RERG: variants seen among roughly 807,000 people sequenced by gnomAD.
The protein encoded by RERG is RAS like estrogen regulated growth inhibitor.
A neutral mutation model predicts 23.2 loss-of-function variants in RERG; 25 were observed. The observed-to-expected ratio is 1.08, with a 90% confidence interval of 0.79 to 1.50. RERG has a LOEUF of 1.50. Ranked by LOEUF, RERG falls within the 40% of genes most tolerant of loss-of-function variation. The probability of loss-of-function intolerance (pLI) is 0.00; values close to 1 mark genes in which losing one functional copy is unlikely to be tolerated. For missense variants in RERG, 253 were observed against 250.1 expected (o/e 1.01, Z -0.08); for synonymous variants, 81 against 89.1 (o/e 0.91, Z 0.51).
intron 2 of RERG, among the ~76,000 whole-genome samples, chr12:15,191,823 C>T (rs966300102): frequency 6.6e-6 from 1 of 152,144 alleles, no homozygotes; most frequent in Non-Finnish European, 1.5e-5. Context: ...TGCTTCTATA[C>T]GTTCTCATAG....
Position 15,160,854 on chromosome 12 carries a change from C to T in RERG, c.62-39735G>A, listed in dbSNP as rs1459691548. Among the ~76,000 whole-genome samples, 8 of 152,018 alleles carry T rather than the reference C, an allele frequency of 5.3e-5. No homozygotes were observed. The South Asian group carries it at 8.3e-4, about 16-fold the overall frequency. ...TAATACTCCTTAGAAACAGGGGCATCGTCTGGGCGCAATGGCTCCCACCTG... is the reference window on the plus strand; with the variant it reads ...TAATACTCCTTAGAAACAGGGGCATTGTCTGGGCGCAATGGCTCCCACCTG... On this transcript the variant is annotated intron_variant, in intron 2 of 4. Transcript: ENST00000256953.
intron 2 of RERG, among the ~76,000 whole-genome samples, chr12:15,205,201 C>T (rs1299650068): frequency 6.6e-6 from 1 of 151,880 alleles, no homozygotes; most frequent in African/African-American, 2.4e-5. Context: ...ACACTATGGT[C>T]CCTGAGGACA....
At chr12:15,129,002 G>A (rs972157333) in intron 2 of RERG, among the ~76,000 whole-genome samples, 1 of 152,034 alleles carries the variant, frequency 6.6e-6, no homozygotes, top group Non-Finnish European at 1.5e-5. Flanking sequence ...TTCTGTGACC[G>A]TTCTGGTCTC....
At chr12:15,129,313 T>C (rs73304788) in intron 2 of RERG, among the ~76,000 whole-genome samples, 4,273 of 151,688 alleles carry the variant, frequency 0.028, 209 homozygotes, top group African/African-American at 0.098. Context: ...TTATGTGATT[T>C]GAAATGTCAG....
intron 2 of RERG, among the ~76,000 whole-genome samples, chr12:15,181,642 G>C (rs1358309449): frequency 1.3e-5 from 2 of 152,202 alleles, no homozygotes; most frequent in East Asian, 3.9e-4. Flanking sequence ...TATGTAAATT[G>C]TTTAGAATAA....
At chr12:15,118,578 A>G (rs1034443258) in intron 3 of RERG, among the ~76,000 whole-genome samples, 1 of 152,166 alleles carries the variant, frequency 6.6e-6, no homozygotes, top group Non-Finnish European at 1.5e-5. Flanking sequence ...CCCAAATGTT[A>G]GAGGTGAGGC....
At chr12:15,170,540 G>T (rs1864763521) in intron 2 of RERG, among the ~76,000 whole-genome samples, 1 of 152,130 alleles carries the variant, frequency 6.6e-6, no homozygotes, top group Non-Finnish European at 1.5e-5. Flanking sequence ...ACATGCAGAG[G>T]CCAGTGGCTT....
At chr12:15,204,271 T>A (rs1234776561) in intron 2 of RERG, among the ~76,000 whole-genome samples, 1 of 151,694 alleles carries the variant, frequency 6.6e-6, no homozygotes, top group Non-Finnish European at 1.5e-5. Context: ...CCCACACATA[T>A]GGTCAACTGA....
chr12:15,150,150 C>T (rs896944291), intron 2 of RERG, among the ~76,000 whole-genome samples: 1 of 152,118 alleles, frequency 6.6e-6, no homozygotes, highest in Non-Finnish European at 1.5e-5. Context: ...TTAGTAGTCA[C>T]CTTTGGATGG....
chr12:15,195,026 CTT>C (rs1283058617), intron 2 of RERG, among the ~76,000 whole-genome samples: 17 of 152,196 alleles, frequency 1.1e-4, no homozygotes, highest in Admixed American at 1.1e-3. Context: ...CCAGCAAACA[CTT>C]TGTGGAAAGG....
chr12:15,188,148 GC>G (rs1865019885), intron 2 of RERG, among the ~76,000 whole-genome samples: 2 of 152,086 alleles, frequency 1.3e-5, no homozygotes, highest in Non-Finnish European at 2.9e-5. Context: ...TAGTGAGAAA[GC>G]CAAGGCCTTA....
intron 2 of RERG, among the ~76,000 whole-genome samples, chr12:15,137,633 C>T (rs1210270898): frequency 3.3e-5 from 5 of 151,834 alleles, no homozygotes; most frequent in South Asian, 4.2e-4. Context: ...AATAACACTA[C>T]GCCAGTTTAT....
intron 2 of RERG, among the ~76,000 whole-genome samples, chr12:15,122,805 T>C (rs1863857376): frequency 6.6e-6 from 1 of 151,670 alleles, no homozygotes; most frequent in Non-Finnish European, 1.5e-5. Context: ...TTTTTGTTTT[T>C]TGTTTTCGTT....
intron 2 of RERG, among the ~76,000 whole-genome samples, chr12:15,207,196 C>T (rs1405186659): frequency 6.6e-6 from 1 of 152,062 alleles, no homozygotes; most frequent in Non-Finnish European, 1.5e-5. Context: ...GATTCAAGTG[C>T]CACAAGGGTC....
At chr12:15,155,555 G>C (rs1439599690) in intron 2 of RERG, among the ~76,000 whole-genome samples, 1 of 152,166 alleles carries the variant, frequency 6.6e-6, no homozygotes, top group Non-Finnish European at 1.5e-5. Context: ...TGAGTAAGAA[G>C]AACAGGTAAT....
intron 2 of RERG, among the ~76,000 whole-genome samples, chr12:15,127,908 G>T (rs1863975727): frequency 6.6e-6 from 1 of 152,070 alleles, no homozygotes; most frequent in Non-Finnish European, 1.5e-5. Context: ...CTTAAAAGTA[G>T]AAATTAATGT....
At chr12:15,165,207 C>A (rs1487052989) in intron 2 of RERG, among the ~76,000 whole-genome samples, 1 of 152,258 alleles carries the variant, frequency 6.6e-6, no homozygotes, top group African/African-American at 2.4e-5. Flanking sequence ...CTTTGAGCGG[C>A]GACCACTCAA....
intron 2 of RERG, among the ~76,000 whole-genome samples, chr12:15,147,733 C>T (rs1864358565): frequency 6.6e-6 from 1 of 151,922 alleles, no homozygotes; most frequent in South Asian, 2.1e-4. Context: ...GATGTTGAAC[C>T]AAAAAGAGAG....
intron 2 of RERG, among the ~76,000 whole-genome samples, chr12:15,137,231 G>A (rs942817671): frequency 8.6e-5 from 13 of 151,388 alleles, no homozygotes; most frequent in Non-Finnish European, 1.6e-4. Flanking sequence ...AGCTATTCCA[G>A]TTTTCTTTTT....
Sources: gnomAD v4.1 joint callset for allele counts (sites outside exome capture counted in the v4.1 genomes callset) on GRCh38, gnomAD v4.1.1 for gene constraint, MANE v1.5 for transcripts, NCBI Gene and HGNC (gene_info 2026-07-23, HGNC 2026-07-21) for gene names.